The following ABCC1 variants were observed in gnomAD, a reference collection of about 807,000 sequenced individuals.
ABCC1 encodes the protein ATP binding cassette subfamily C member 1 (ABCC1 blood group), also known as multidrug resistance-associated protein 1.
ABCC1 carries 83 observed loss-of-function variants against 172.9 expected under a neutral mutation model. The observed-to-expected ratio is 0.48, with a 90% CI of 0.40 to 0.58. The LOEUF (loss-of-function observed/expected upper bound fraction) is 0.58, where lower values mean the gene tolerates loss of function less well. Among genes scored for constraint, ABCC1 ranks in the 20% least tolerant of loss-of-function variants. The pLI, the probability that ABCC1 is intolerant of heterozygous loss-of-function variation, is 0.00. For missense variants in ABCC1, 1,817 were observed against 2,002.7 expected, an observed-to-expected ratio of 0.91 and a Z score of 1.77; for synonymous variants, 937 against 825.2, an observed-to-expected ratio of 1.14 and a Z score of -2.32.
At chr16:16,004,802 G>T (rs1405851094) in intron 1 of ABCC1, among the ~76,000 whole-genome samples, 1 of 151,452 alleles carries the variant, frequency 6.6e-6, no homozygotes, top group African/African-American at 2.4e-5. Flanking sequence ...TTACAGACGT[G>T]CACTACCCTG....
intron 21 of ABCC1, among the ~76,000 whole-genome samples, chr16:16,108,981 C>G (rs1398034276): frequency 1.3e-5 from 2 of 152,044 alleles, no homozygotes; most frequent in Non-Finnish European, 2.9e-5. Flanking sequence ...ATTTCAGGGA[C>G]AGCAGGCAAC....
chr16:16,059,801 C>G (rs1264278061), intron 12 of ABCC1, among the ~76,000 whole-genome samples: 1 of 151,752 alleles, frequency 6.6e-6, no homozygotes, highest in African/African-American at 2.4e-5. Context: ...GAGACCCTTT[C>G]CTGCTGCTGC....
chr16:15,973,901 C>T (rs1368130935), intron 1 of ABCC1, among the ~76,000 whole-genome samples: 1 of 152,002 alleles, frequency 6.6e-6, no homozygotes, highest in Non-Finnish European at 1.5e-5. Flanking sequence ...GGGATGATCA[C>T]CTGGGCCTGG....
chr16:15,980,172 C>G (rs1317606235), intron 1 of ABCC1, among the ~76,000 whole-genome samples: 2 of 152,128 alleles, frequency 1.3e-5, no homozygotes, highest in African/African-American at 2.4e-5. Flanking sequence ...TATTTTAGGT[C>G]TCTCAGGCCC....
Position 16,014,554 on chromosome 16 carries a change from C to G in ABCC1, c.415C>G (p.Leu139Val). 1 of 1,614,178 alleles carries G rather than the reference C, an allele frequency of 6.2e-7. No individual in the cohort carries two copies. The change falls in exon 4 of 31, where the codon CTC becomes GTC. Residue 139 changes from leucine to valine, a missense_variant. Around this residue, in one of 3 missense-constraint regions of ABCC1, gnomAD observed 398 missense variants for 384.2 expected, o/e 1.04. Transcript: ENST00000399410. ...GGGAGTTCAGTCTTCAGGGATCATG[C>G]TCACTTTCTGGCTGGTAGCCCTAGT... ...RKGVQSSGIM[L>V]TFWLVALVCA...
chr16:16,127,517 G>A (rs558429652), intron 26 of ABCC1, among the ~76,000 whole-genome samples: 104 of 152,256 alleles, frequency 6.8e-4, no homozygotes, highest in Non-Finnish European at 1.4e-3. Context: ...TAATTTAGAT[G>A]CTACTATTAC....
intron 13 of ABCC1, among the ~76,000 whole-genome samples, chr16:16,070,120 G>A (rs996778420): frequency 6.6e-6 from 1 of 152,136 alleles, no homozygotes; most frequent in Non-Finnish European, 1.5e-5. Flanking sequence ...AGTGGCTCAC[G>A]CCTGTAATCC....
At chr16:16,092,281 A>G (rs571891458) in intron 19 of ABCC1, among the ~76,000 whole-genome samples, 7 of 152,220 alleles carry the variant, frequency 4.6e-5, no homozygotes, top group South Asian at 2.1e-4. Context: ...ACAACATACA[A>G]TTAACCCACT....
At chr16:16,100,724 G>A (rs752184654) in intron 19 of ABCC1, among the ~76,000 whole-genome samples, 1 of 152,194 alleles carries the variant, frequency 6.6e-6, no homozygotes, top group Non-Finnish European at 1.5e-5. Context: ...CACGGGGGTC[G>A]CCATCACTGA....
chr16:16,013,869 A>G (rs926033111), intron 3 of ABCC1, among the ~76,000 whole-genome samples: 1 of 152,082 alleles, frequency 6.6e-6, no homozygotes. Context: ...TCACAGGGAA[A>G]ACTTGAGAGT....
chr16:15,999,810 C>CTCTCTCT, intron 1 of ABCC1, among the ~76,000 whole-genome samples: 1 of 2,308 alleles, frequency 4.3e-4, no homozygotes, highest in South Asian at 0.036. Context: ...TCTCTCTCTC[C>CTCTCTCT]TCTCTCTCTC....
At chr16:16,086,701 T>C (rs1440687658) in intron 17 of ABCC1, 123 bp from the exon 18 acceptor site, 1 of 1,034,246 alleles carries the variant, frequency 9.7e-7, no homozygotes, top group Non-Finnish European at 1.4e-6. Flanking sequence ...ACCCCTGGTC[T>C]CAAGCAGTCC....
At chr16:15,954,427 C>T (rs528323491) in intron 1 of ABCC1, among the ~76,000 whole-genome samples, 2 of 152,228 alleles carry the variant, frequency 1.3e-5, no homozygotes, top group African/African-American at 2.4e-5. Context: ...TCTTGGGGGG[C>T]CCTCCTCTCC....
intron 1 of ABCC1, among the ~76,000 whole-genome samples, chr16:15,995,473 T>G (rs1176625539): frequency 6.6e-6 from 1 of 152,056 alleles, no homozygotes; most frequent in Non-Finnish European, 1.5e-5. Context: ...ACCCACTTTC[T>G]TCTTCTTCAA....
At chr16:16,081,068 A>G (rs1286112830) in intron 16 of ABCC1, among the ~76,000 whole-genome samples, 1 of 152,122 alleles carries the variant, frequency 6.6e-6, no homozygotes, top group Non-Finnish European at 1.5e-5. Flanking sequence ...GGATTTTACC[A>G]TGTTGACCTG....
intron 18 of ABCC1, among the ~76,000 whole-genome samples, chr16:16,089,691 G>C (rs922941615): frequency 2.0e-5 from 3 of 152,112 alleles, no homozygotes; most frequent in African/African-American, 7.2e-5. Context: ...GCAACATGGT[G>C]AAACGCCATC....
At chr16:15,951,567 C>T (rs2045873517) in intron 1 of ABCC1, among the ~76,000 whole-genome samples, 1 of 152,140 alleles carries the variant, frequency 6.6e-6, no homozygotes, top group African/African-American at 2.4e-5. Context: ...GATTCCAAGA[C>T]TTGTTGGAGG....
At chr16:15,976,167 T>C (rs1280405131) in intron 1 of ABCC1, among the ~76,000 whole-genome samples, 2 of 152,090 alleles carry the variant, frequency 1.3e-5, no homozygotes, top group African/African-American at 2.4e-5. Flanking sequence ...CTCGGGAGGC[T>C]GAGGCAGGAG....
chr16:15,990,545 T>C (rs926107720), intron 1 of ABCC1, among the ~76,000 whole-genome samples: 4 of 152,178 alleles, frequency 2.6e-5, no homozygotes, highest in African/African-American at 7.2e-5. Flanking sequence ...CTTTTTTAGA[T>C]GTCACATGTG....
Sources: gnomAD v4.1 joint callset for allele counts (sites outside exome capture counted in the v4.1 genomes callset) on GRCh38, gnomAD v4.1.1 for gene constraint, gnomAD v4.1.1 regional missense constraint, MANE v1.5 for transcripts, NCBI Gene and HGNC (gene_info 2026-07-23, HGNC 2026-07-21) for gene names.